ADAM9: variants seen among roughly 807,000 people sequenced by gnomAD.
ADAM9 encodes ADAM metallopeptidase domain 9.
In ADAM9, 54 loss-of-function variants were observed where a neutral mutation model predicts 108.1. That is an observed-to-expected ratio of 0.50 (90% CI 0.40 to 0.63). The LOEUF is 0.63. Ranked by LOEUF, ADAM9 falls within the 20% of genes least tolerant of loss-of-function variation. ADAM9 has a pLI of 0.00. For missense variants in ADAM9, 830 were observed against 997.7 expected (o/e 0.83, Z 2.26); for synonymous variants, 316 against 336.0 (o/e 0.94, Z 0.65).
intron 14 of ADAM9, among the ~76,000 whole-genome samples, chr8:39,057,002 T>G (rs554961683): frequency 3.9e-5 from 6 of 152,310 alleles, no homozygotes; most frequent in Non-Finnish European, 8.8e-5. Flanking sequence ...TAATGCTGTA[T>G]TTTTACTGTA....
At position 39,104,737 on chromosome 8, in the gene ADAM9, G is replaced by A. The variant is rs1839811574; in HGVS notation, c.*1037G>A. Reference sequence around the variant, plus strand: ...TAGGCTGGAGAAAGAAGGAAGAAATGGTTTTCTTAAATACCTACAAAAAAG... The same window carrying A: ...TAGGCTGGAGAAAGAAGGAAGAAATAGTTTTCTTAAATACCTACAAAAAAG... On this transcript the variant is annotated 3_prime_UTR_variant, in exon 22 of 22. Transcript: ENST00000487273. The A allele has an allele frequency of 8.8e-6, 4 of 453,498 alleles. No homozygotes were observed. Among genetic ancestry groups the A allele is most frequent in the Non-Finnish European group, 1.8e-5 (4 of 226,594 alleles). The allele number at this position is 453,498 out of a possible 1,614,324, so 28.1% of individuals were successfully genotyped here.
At chr8:39,003,560 C>T (rs1474692386) in intron 1 of ADAM9, among the ~76,000 whole-genome samples, 1 of 150,256 alleles carries the variant, frequency 6.7e-6, no homozygotes, top group African/African-American at 2.4e-5. Flanking sequence ...AGAAAAAAAC[C>T]TGACCTAGAG....
At chr8:39,083,758 T>G (rs1294299330) in intron 18 of ADAM9, among the ~76,000 whole-genome samples, 1 of 152,214 alleles carries the variant, frequency 6.6e-6, no homozygotes, top group Non-Finnish European at 1.5e-5. Flanking sequence ...GATTTGCTTT[T>G]TAAAATTCCC....
intron 1 of ADAM9, among the ~76,000 whole-genome samples, chr8:39,001,722 C>A (rs1835997342): frequency 6.6e-6 from 1 of 151,310 alleles, no homozygotes; most frequent in African/African-American, 2.4e-5. Flanking sequence ...GACTGGAGTG[C>A]AATGGCTCGA....
chr8:39,072,592 A>G (rs1838730629), intron 15 of ADAM9, among the ~76,000 whole-genome samples: 1 of 152,194 alleles, frequency 6.6e-6, no homozygotes, highest in African/African-American at 2.4e-5. Context: ...GAGAAGCTCC[A>G]GCCCTGCTGG....
At chr8:39,065,790 TGTGCACAAC>T (rs757448932) in intron 14 of ADAM9, among the ~76,000 whole-genome samples, 17 of 152,200 alleles carry the variant, frequency 1.1e-4, no homozygotes, top group Admixed American at 2.6e-4. Flanking sequence ...CTAGGGTACA[TGTGCACAAC>T]GTGCAGGTTT....
At position 39,091,297 on chromosome 8, in the gene ADAM9, C is replaced by T. The variant is rs144750648; in HGVS notation, c.2249C>T (p.Pro750Leu). ...AATCAAGCAAACCCTTCTAGACAGC[C>T]GGGGAGTGTTCCTCGACATGTTTCT... ...GKNQANPSRQ[P>L]GSVPRHVSPV... The change falls in exon 20 of 22, where the codon CCG becomes CTG. Residue 750 changes from proline (P) to leucine (L), a missense_variant. This residue lies in a region of ADAM9 where 238 missense variants were observed against 235.7 expected (regional missense o/e 1.01). Transcript: ENST00000487273. 1.7e-4 allele frequency: 268 copies of T among 1,614,060 alleles called. 1 individual carries two copies. In the African/African-American group the frequency reaches 3.0e-3, roughly 18 times the overall value.
At chr8:39,012,690 G>A (rs942890717) in intron 3 of ADAM9, among the ~76,000 whole-genome samples, 1 of 152,046 alleles carries the variant, frequency 6.6e-6, no homozygotes, top group Non-Finnish European at 1.5e-5. Context: ...GCAAACTATT[G>A]CAAGGACAAA....
At chr8:39,068,577 A>T (rs1308545408) in intron 14 of ADAM9, among the ~76,000 whole-genome samples, 2 of 147,076 alleles carry the variant, frequency 1.4e-5, no homozygotes, top group African/African-American at 5.0e-5. Flanking sequence ...CAGGAGGCTG[A>T]GGCAGGAGAA....
chr8:39,054,448 ATTTC>A (rs749965488), intron 12 of ADAM9, 29 bp from the exon 13 acceptor site: 3 of 1,571,304 alleles, frequency 1.9e-6, no homozygotes, highest in Non-Finnish European at 1.8e-6. Flanking sequence ...TCAATTACTA[ATTTC>A]TTTATTGACA....
chr8:39,092,660 C>A (rs1839393492), intron 20 of ADAM9, among the ~76,000 whole-genome samples: 1 of 150,314 alleles, frequency 6.7e-6, no homozygotes, highest in Non-Finnish European at 1.5e-5. Context: ...TAATATTTAC[C>A]ATCTTAACAA....
chr8:39,043,158 T>C lies in ADAM9; in HGVS notation c.1302+1041T>C, dbSNP rs148745238. ...TGTATATGTATGTATGTATGTACATTTTCTTTATCCATTCAACTGTTGACA... is the reference window on the plus strand; with the variant it reads ...TGTATATGTATGTATGTATGTACATCTTCTTTATCCATTCAACTGTTGACA... On this transcript the variant is annotated intron_variant, in intron 12 of 21. Coordinates refer to ENST00000487273, the MANE Select transcript of ADAM9 (RefSeq NM_003816.3). Among the ~76,000 whole-genome samples the C allele has an allele frequency of 3.6e-4, 55 of 152,270 alleles. 1 individual carries two copies. In the East Asian group the frequency reaches 9.8e-3, roughly 27 times the overall value.
intron 9 of ADAM9, among the ~76,000 whole-genome samples, chr8:39,023,997 T>C (rs532000847): frequency 6.6e-6 from 1 of 152,274 alleles, no homozygotes; most frequent in Admixed American, 6.5e-5. Context: ...CCACCTGTTT[T>C]GGCCTCCCAC....
rs893632351 is a variant in ADAM9, at chr8:39,017,103, C to G, written c.411-116C>G. 4.6e-6 allele frequency: 5 copies of G among 1,083,420 alleles called. No homozygotes were observed. The African/African-American group carries it at 6.3e-5, about 14-fold the overall frequency. 67.1% of individuals were successfully genotyped at this position (1,083,420 alleles called of 1,614,324 possible). On this transcript the variant is annotated intron_variant, in intron 5 of 21. Coordinates refer to ENST00000487273, the MANE Select transcript of ADAM9 (RefSeq NM_003816.3). ...GATTCTAAAGCCTCTATTTTCTTCT[C>G]TATGTAATGCTATGCCTACTTACAC...
chr8:39,071,192 T>G, intron 14 of ADAM9, 106 bp from the exon 15 acceptor site: 1 of 1,000,598 alleles, frequency 1.0e-6, no homozygotes, highest in Non-Finnish European at 1.5e-6. Flanking sequence ...TGAGGGGTAT[T>G]GAGGCTGTTC....
intron 18 of ADAM9, among the ~76,000 whole-genome samples, chr8:39,086,831 T>G (rs908665127): frequency 6.6e-6 from 1 of 152,200 alleles, no homozygotes; most frequent in Non-Finnish European, 1.5e-5. Flanking sequence ...GCATTTAGTC[T>G]AGGGCTGATT....
intron 18 of ADAM9, among the ~76,000 whole-genome samples, chr8:39,086,985 A>G (rs868413932): frequency 2.0e-5 from 3 of 152,218 alleles, no homozygotes; most frequent in African/African-American, 4.8e-5. Context: ...ATCTTTTCAC[A>G]TGGTTCTTTC....
At chr8:39,004,839 A>C in intron 1 of ADAM9, among the ~76,000 whole-genome samples, 1 of 152,224 alleles carries the variant, frequency 6.6e-6, no homozygotes, top group Non-Finnish European at 1.5e-5. Context: ...TAATTAGCAT[A>C]TAATGAGCAG....
rs184956796 is a variant in ADAM9 at position 39,091,866 on chromosome 8, C to G, written c.2298+520C>G. Among the ~76,000 whole-genome samples the G allele has an allele frequency of 2.2e-4, 34 of 152,298 alleles. No individual in the cohort carries two copies. The East Asian group carries it at 6.6e-3, about 29-fold the overall frequency. On this transcript the variant is annotated intron_variant, in intron 20 of 21. Coordinates refer to ENST00000487273, the MANE Select transcript of ADAM9 (RefSeq NM_003816.3). ...AAAGACAGCTGGACATTAGGAATGCCTTGCCTAGCAACCAGGATTGGGAAA... is the reference window on the plus strand; with the variant it reads ...AAAGACAGCTGGACATTAGGAATGCGTTGCCTAGCAACCAGGATTGGGAAA...
Sources: gnomAD v4.1 joint callset for allele counts (sites outside exome capture counted in the v4.1 genomes callset) on GRCh38, gnomAD v4.1.1 for gene constraint, gnomAD v4.1.1 regional missense constraint, MANE v1.5 for transcripts, NCBI Gene and HGNC (gene_info 2026-07-23, HGNC 2026-07-21) for gene names.